The following OR4K2 variants were observed in gnomAD, a reference collection of about 807,000 sequenced individuals.
The protein encoded by OR4K2 is olfactory receptor 4K2.
In OR4K2, 8 loss-of-function variants were observed where a neutral mutation model predicts 10.5. The ratio of observed to expected loss-of-function variants is 0.76; its 90% CI spans 0.45 to 1.37. OR4K2 has a LOEUF of 1.37. Ranked by LOEUF, OR4K2 falls within the 40% of genes most tolerant of loss-of-function variation. The probability of loss-of-function intolerance (pLI) is 0.00; values close to 1 mark genes in which losing one functional copy is unlikely to be tolerated. For missense variants in OR4K2, 547 were observed against 379.5 expected (o/e 1.44, Z -3.67); for synonymous variants, 178 against 133.6 (o/e 1.33, Z -2.29).
At position 19,881,085 on chromosome 14, in the gene OR4K2, T is replaced by C. The variant is rs2138534596; in HGVS notation, c.*3873T>C. 6.6e-6 allele frequency: 1 copy of C among 152,394 alleles called. No homozygotes were observed. Among genetic ancestry groups the C allele is most frequent in the African/African-American group, 2.4e-5 (1 of 41,594 alleles). The allele number at this position is 152,394 out of a possible 1,614,324, so 9.4% of individuals were successfully genotyped here. On this transcript the variant is annotated 3_prime_UTR_variant, in exon 2 of 2. Coordinates refer to ENST00000641885, the MANE Select transcript of OR4K2 (RefSeq NM_001005501.2). ...CATGTGAGTTTTTAAACAACTCAGT[T>C]ATAGCAAAATTTGTTGAGAGAGTTG...
rs1310093712 is a variant in OR4K2 at position 19,877,369 on chromosome 14, A to G, written c.*157A>G. ...GTGAATGTGTTCAAAATACATTTGA[A>G]ATTTCAGAAAAGCAAGTTAAAAGAA... is the stretch of plus-strand genomic sequence containing the variant. On this transcript the variant is annotated 3_prime_UTR_variant, in exon 2 of 2. Transcript: ENST00000641885. The G allele has an allele frequency of 5.1e-6, 3 of 585,408 alleles. No individual in the cohort carries two copies. Among genetic ancestry groups the G allele is most frequent in the Admixed American group, 7.0e-5 (2 of 28,520 alleles). 36.3% of individuals were successfully genotyped at this position (585,408 alleles called of 1,614,324 possible).
rs1445969516 is a variant in OR4K2 at position 19,878,508 on chromosome 14, T to C, written c.*1296T>C. On this transcript the variant is annotated 3_prime_UTR_variant, in exon 2 of 2. Transcript: ENST00000641885. ...AACAAATGAAATGCATTAATTATCA[T>C]TTATGAAAGATAATTAAAACAGAAA... The C allele has an allele frequency of 1.8e-4, 27 of 152,198 alleles. No individual in the cohort carries two copies. Among genetic ancestry groups the C allele is most frequent in the Non-Finnish European group, 5.9e-5 (4 of 68,002 alleles). 9.4% of individuals were successfully genotyped at this position (152,198 alleles called of 1,614,324 possible). A position where few individuals can be genotyped will look rare whatever the true frequency, so the allele number is the denominator to read the frequency against.
rs1338324926 is a variant in OR4K2 at position 19,882,885 on chromosome 14, T to C, written c.*5673T>C. ...CTCTGTCGCCCAGGCTGGAGTGCAGTAGCGTGATCTCCGCTCATTGCAAAC... is the reference window on the plus strand; with the variant it reads ...CTCTGTCGCCCAGGCTGGAGTGCAGCAGCGTGATCTCCGCTCATTGCAAAC... On this transcript the variant is annotated 3_prime_UTR_variant, in exon 2 of 2. Transcript: ENST00000641885. 2.7e-5 allele frequency: 4 copies of C among 147,370 alleles called. No homozygotes were observed. Among genetic ancestry groups the C allele is most frequent in the African/African-American group, 1.0e-4 (4 of 39,358 alleles). 9.1% of individuals were successfully genotyped at this position (147,370 alleles called of 1,614,324 possible).
Position 19,876,699 on chromosome 14 carries a change from C to T in OR4K2, c.432C>T (p.Leu144=), listed in dbSNP as rs780559260. ...TTAGTCCCCAGGTGTGTGTTGCTCT[C>T]GTGGTGGCTTCCTGGATTATGGGAG... ...SVISPQVCVA[L]VVASWIMGVM... is the part of the protein sequence containing the mutation. The change falls in exon 2 of 2, where the codon CTC becomes CTT. Residue 144 remains leucine (L), a synonymous_variant. Transcript: ENST00000641885. The T allele has an allele frequency of 4.3e-6, 7 of 1,613,970 alleles. No homozygotes were observed. Among genetic ancestry groups the T allele is most frequent in the Middle Eastern group, 1.6e-4 (1 of 6,080 alleles).
At position 19,882,829 on chromosome 14, in the gene OR4K2, C is replaced by CTTTTTTTTTTTTTTTTTTTTTTT. The variant is rs369726984; in HGVS notation, c.*5633_*5634insTTTTTTTTTTTTTTTTTTTTTTT. On this transcript the variant is annotated 3_prime_UTR_variant, in exon 2 of 2. Transcript: ENST00000641885. The stretch of plus-strand genomic sequence containing the variant: ...TTATCTTTCTTTTTCTTTTTTTTTT[C>CTTTTTTTTTTTTTTTTTTTTTTT]TTTTTTTTTTTTTTTTGAGACGGAG... 6.5e-5 allele frequency: 8 copies of CTTTTTTTTTTTTTTTTTTTTTTT among 123,414 alleles called. No individual in the cohort carries two copies. Among genetic ancestry groups the CTTTTTTTTTTTTTTTTTTTTTTT allele is most frequent in the South Asian group, 2.5e-4 (1 of 4,044 alleles). The allele number at this position is 123,414 out of a possible 1,614,324, so 7.6% of individuals were successfully genotyped here.
In OR4K2 at chr14:19,881,986, T is replaced by C. The variant is rs1442634371; in HGVS notation, c.*4774T>C. 6.6e-6 allele frequency: 1 copy of C among 152,214 alleles called. No individual in the cohort carries two copies. Among genetic ancestry groups the C allele is most frequent in the East Asian group, 1.9e-4 (1 of 5,204 alleles). 9.4% of individuals were successfully genotyped at this position (152,214 alleles called of 1,614,324 possible). ...GGTAAATTAAGCAGATTTAATACAA[T>C]GTATTAAATGCTTGTGAATAATTCA... On this transcript the variant is annotated 3_prime_UTR_variant, in exon 2 of 2. Transcript: ENST00000641885.
Position 19,881,721 on chromosome 14 carries a change from G to A in OR4K2, c.*4509G>A, listed in dbSNP as rs11157513. On this transcript the variant is annotated 3_prime_UTR_variant, in exon 2 of 2. Transcript: ENST00000641885. ...CACTGTTAATTCGCCTTTTTTCTTT[G>A]TGTTTTAACTGTACTAGGAATCTGA... The A allele has an allele frequency of 0.55, 81,823 of 149,234 alleles. 17,608 individuals are homozygous for A. Among genetic ancestry groups the A allele is most frequent in the Non-Finnish European group, 0.64 (42,790 of 67,108 alleles). 9.2% of individuals were successfully genotyped at this position (149,234 alleles called of 1,614,324 possible). A position where few individuals can be genotyped will look rare whatever the true frequency, so the allele number is the denominator to read the frequency against.
Position 19,876,590 on chromosome 14 carries a change from C to T in OR4K2, c.323C>T (p.Thr108Ile), listed in dbSNP as rs1193343772. The T allele has an allele frequency of 6.2e-7, 1 of 1,614,098 alleles. No individual in the cohort carries two copies. The highest frequency in any genetic ancestry group is 8.5e-7 in the Non-Finnish European group (1 of 1,180,022). ...LTQIFFLHLF[T>I]GTEIILLMAM... is the part of the protein sequence containing the mutation. ...CAGATATTCTTTCTCCACCTTTTCA[C>T]TGGAACTGAGATCATCTTACTCATG... The change falls in exon 2 of 2, where the codon ACT (threonine) becomes ATT (isoleucine). Residue 108 changes from threonine (T) to isoleucine (I), a missense_variant. Transcript: ENST00000641885.
In OR4K2 at chr14:19,879,905, T is replaced by G. The variant is rs1316548185; in HGVS notation, c.*2693T>G. ...ACAACCTTTTATTAGTTATTTCGAT[T>G]TTTTTTTCCTGAAACAGGTGTCCTC... On this transcript the variant is annotated 3_prime_UTR_variant, in exon 2 of 2. Transcript: ENST00000641885. 2 of 152,214 alleles carry G rather than the reference T, an allele frequency of 1.3e-5. No homozygotes were observed. Among genetic ancestry groups the G allele is most frequent in the Admixed American group, 6.5e-5 (1 of 15,280 alleles). 9.4% of individuals were successfully genotyped at this position (152,214 alleles called of 1,614,324 possible). A position where few individuals can be genotyped will look rare whatever the true frequency, so the allele number is the denominator to read the frequency against.
Position 19,876,233 on chromosome 14 carries a change from T to TCTTTA in OR4K2, c.-23-12_-23-11insCTTTA. 1 of 986,198 alleles carries TCTTTA rather than the reference T, an allele frequency of 1.0e-6. No individual in the cohort carries two copies. The highest frequency in any genetic ancestry group is 1.4e-6 in the Non-Finnish European group (1 of 712,112). The allele number at this position is 986,198 out of a possible 1,614,324, so 61.1% of individuals were successfully genotyped here. The stretch of plus-strand genomic sequence containing the variant: ...ACTTTCCTTTTTTTTTTTTTTTTTT[T>TCTTTA]TCGTGATACAGGCTTCTGCCTATGA... On this transcript the variant is annotated splice_polypyrimidine_tract_variant and intron_variant, in intron 1 of 1. Transcript: ENST00000641885.
At position 19,878,126 on chromosome 14, in the gene OR4K2, A is replaced by G. The variant is rs949601781; in HGVS notation, c.*914A>G. ...ATCTGCATTTAGTAATACATTGTCAATGTAATAAGTATGTTTTTGTACACA... is the reference window on the plus strand; with the variant it reads ...ATCTGCATTTAGTAATACATTGTCAGTGTAATAAGTATGTTTTTGTACACA... On this transcript the variant is annotated 3_prime_UTR_variant, in exon 2 of 2. Coordinates refer to ENST00000641885, the MANE Select transcript of OR4K2 (RefSeq NM_001005501.2). 6.6e-6 allele frequency: 1 copy of G among 152,250 alleles called. No individual in the cohort carries two copies. Among genetic ancestry groups the G allele is most frequent in the African/African-American group, 2.4e-5 (1 of 41,464 alleles). The allele number at this position is 152,250 out of a possible 1,614,324, so 9.4% of individuals were successfully genotyped here.
At position 19,876,493 on chromosome 14, in the gene OR4K2, T is replaced by A. The variant is rs377602701; in HGVS notation, c.226T>A (p.Phe76Ile). 3.7e-6 allele frequency: 6 copies of A among 1,614,072 alleles called. No homozygotes were observed. The African/African-American group carries it at 8.0e-5, about 22-fold the overall frequency. The change falls in exon 2 of 2, where the codon TTC (phenylalanine) becomes ATC (isoleucine). Residue 76 changes from phenylalanine to isoleucine, a missense_variant. Phe to Ile is a conservative substitution (Grantham distance 21). Coordinates refer to ENST00000641885, the MANE Select transcript of OR4K2 (RefSeq NM_001005501.2). The stretch of plus-strand genomic sequence containing the variant: ...AATCATTGATATGTCTCTTGCTTCT[T>A]TCGCCACCCCAAAGATGATTACAGA... The part of the protein sequence containing the change: ...LSIIDMSLAS[F>I]ATPKMITDYL...
Position 19,876,383 on chromosome 14 carries a change from T to C in OR4K2, c.116T>C (p.Met39Thr). ...MVFSLLYVATMVGNSLIVITV... is the reference protein window; with the variant it reads ...MVFSLLYVATTVGNSLIVITV... ...TTTTCATTGCTTTATGTGGCAACAA[T>C]GGTGGGTAACAGCCTCATAGTCATC... The change falls in exon 2 of 2, where the codon ATG (methionine) becomes ACG (threonine). Residue 39 changes from methionine (M) to threonine (T), a missense_variant. Met to Thr is a moderately conservative substitution (Grantham distance 81). Coordinates refer to ENST00000641885, the MANE Select transcript of OR4K2 (RefSeq NM_001005501.2). 6.2e-7 allele frequency: 1 copy of C among 1,614,072 alleles called. No individual in the cohort carries two copies. The highest frequency in any genetic ancestry group is 8.5e-7 in the Non-Finnish European group (1 of 1,179,914).
Position 19,880,088 on chromosome 14 carries a change from T to A in OR4K2, c.*2876T>A, listed in dbSNP as rs1444590876. The stretch of plus-strand genomic sequence containing the variant: ...ATTTTTTTGTAAAGCTCATCAGCTA[T>A]CTTTAGTATCAGTGTATTTTATGTG... On this transcript the variant is annotated 3_prime_UTR_variant, in exon 2 of 2. Transcript: ENST00000641885. The A allele has an allele frequency of 6.5e-6, 1 of 152,940 alleles. No homozygotes were observed. The highest frequency in any genetic ancestry group is 1.5e-5 in the Non-Finnish European group (1 of 68,064). 9.5% of individuals were successfully genotyped at this position (152,940 alleles called of 1,614,324 possible).
At position 19,883,267 on chromosome 14, in the gene OR4K2, T is replaced by A. The variant is rs185815961; in HGVS notation, c.*6055T>A. 1 of 152,308 alleles carries A rather than the reference T, an allele frequency of 6.6e-6. No homozygotes were observed. The highest frequency in any genetic ancestry group is 1.5e-5 in the Non-Finnish European group (1 of 68,074). The allele number at this position is 152,308 out of a possible 1,614,324, so 9.4% of individuals were successfully genotyped here. A position where few individuals can be genotyped will look rare whatever the true frequency, so the allele number is the denominator to read the frequency against. ...TCTTGCTTTATCTCTTTGGGAATGA[T>A]AGTGCTGTTGTTGCTGTAGTAGTTG... is the stretch of plus-strand genomic sequence containing the variant. On this transcript the variant is annotated 3_prime_UTR_variant, in exon 2 of 2. Coordinates refer to ENST00000641885, the MANE Select transcript of OR4K2 (RefSeq NM_001005501.2).
At position 19,876,781 on chromosome 14, in the gene OR4K2, T is replaced by C; in HGVS notation, c.514T>C (p.Tyr172His). The C allele has an allele frequency of 6.2e-7, 1 of 1,614,232 alleles. No homozygotes were observed. The highest frequency in any genetic ancestry group is 1.3e-5 in the African/African-American group (1 of 75,080). ...CCTCACGTTACCATTCTGTGGTCCCTATGAGGTAGACAGCTTTTTCTGTGA... is the reference window on the plus strand; with the variant it reads ...CCTCACGTTACCATTCTGTGGTCCCCATGAGGTAGACAGCTTTTTCTGTGA... ...FALTLPFCGP[Y>H]EVDSFFCDLP... is the part of the protein sequence containing the mutation. The change falls in exon 2 of 2, where the codon TAT (tyrosine) becomes CAT (histidine). Residue 172 changes from tyrosine to histidine, a missense_variant. Coordinates refer to ENST00000641885, the MANE Select transcript of OR4K2 (RefSeq NM_001005501.2).
In OR4K2 at chr14:19,879,039, A is replaced by T. The variant is rs1041754606; in HGVS notation, c.*1827A>T. 6.6e-6 allele frequency: 1 copy of T among 152,270 alleles called. No homozygotes were observed. The highest frequency in any genetic ancestry group is 2.4e-5 in the African/African-American group (1 of 41,472). The allele number at this position is 152,270 out of a possible 1,614,324, so 9.4% of individuals were successfully genotyped here. ...TTTCTGTGCTTTTGTGGAGAATTCT[A>T]AAACTCAAGAACATTTGCCAAAATA... On this transcript the variant is annotated 3_prime_UTR_variant, in exon 2 of 2. Coordinates refer to ENST00000641885, the MANE Select transcript of OR4K2 (RefSeq NM_001005501.2).
rs1049337087 is a variant in OR4K2, at chr14:19,882,242, A to T, written c.*5030A>T. 1 of 152,404 alleles carries T rather than the reference A, an allele frequency of 6.6e-6. No individual in the cohort carries two copies. Among genetic ancestry groups the T allele is most frequent in the Admixed American group, 6.5e-5 (1 of 15,288 alleles). The allele number at this position is 152,404 out of a possible 1,614,324, so 9.4% of individuals were successfully genotyped here. A position where few individuals can be genotyped will look rare whatever the true frequency, so the allele number is the denominator to read the frequency against. On this transcript the variant is annotated 3_prime_UTR_variant, in exon 2 of 2. Transcript: ENST00000641885. ...ATCATCTTGCTCACCAGCGGCAATT[A>T]TATCAGTAGATCCCTCTGCCTCACT...
chr14:19,877,523 A>G lies in OR4K2; in HGVS notation c.*311A>G, dbSNP rs1310317368. 1 of 262,930 alleles carries G rather than the reference A, an allele frequency of 3.8e-6. No homozygotes were observed. The highest frequency in any genetic ancestry group is 2.3e-5 in the African/African-American group (1 of 43,336). The allele number at this position is 262,930 out of a possible 1,614,324, so 16.3% of individuals were successfully genotyped here. Reference sequence around the variant, plus strand: ...TAGATTAAAGCAGAACTAGGAGATAATGACAATTACCCACAGTGAGCAACT... The same window carrying G: ...TAGATTAAAGCAGAACTAGGAGATAGTGACAATTACCCACAGTGAGCAACT... On this transcript the variant is annotated 3_prime_UTR_variant, in exon 2 of 2. Coordinates refer to ENST00000641885, the MANE Select transcript of OR4K2 (RefSeq NM_001005501.2).
Sources: gnomAD v4.1 joint callset for allele counts on GRCh38, gnomAD v4.1.1 for gene constraint, MANE v1.5 for transcripts, NCBI Gene and HGNC (gene_info 2026-07-23, HGNC 2026-07-21) for gene names.